RABGEF1: variants seen among roughly 807,000 people sequenced by gnomAD.
RABGEF1 encodes the protein rab5 GDP/GTP exchange factor.
Under a neutral mutation model 57.3 loss-of-function variants are expected in RABGEF1, and 26 were observed. The observed-to-expected ratio is 0.45, with a 90% CI of 0.33 to 0.63. The LOEUF is 0.63. Ranked by LOEUF, RABGEF1 falls within the 20% of genes least tolerant of loss-of-function variation. The pLI, the probability that RABGEF1 is intolerant of heterozygous loss-of-function variation, is 0.02. For missense variants in RABGEF1, 464 were observed against 607.6 expected, an observed-to-expected ratio of 0.76 and a Z score of 2.48; for synonymous variants, 185 against 210.7, an observed-to-expected ratio of 0.88 and a Z score of 1.06.
At chr7:66,689,304 T>C (rs1364311870) in intron 1 of RABGEF1, among the ~76,000 whole-genome samples, 1 of 151,528 alleles carries the variant, frequency 6.6e-6, no homozygotes, top group Non-Finnish European at 1.5e-5. Context: ...AGTTTTTAGC[T>C]AGATTTACTA....
chr7:66,666,709 T>C, the RABGEF1 span, among the ~76,000 whole-genome samples: 1 of 152,206 alleles, frequency 6.6e-6, no homozygotes, highest in African/African-American at 2.4e-5. Flanking sequence ...GCTCTTTATC[T>C]ATGTCTCAGC....
At chr7:66,684,216 C>T (rs1422519937) in intron 1 of RABGEF1, among the ~76,000 whole-genome samples, 5 of 152,034 alleles carry the variant, frequency 3.3e-5, no homozygotes, top group Non-Finnish European at 7.4e-5. Context: ...GAGGCCGAGG[C>T]GGTTGGATCA....
At chr7:66,717,058 C>T (rs945470827) in intron 2 of RABGEF1, among the ~76,000 whole-genome samples, 8 of 152,322 alleles carry the variant, frequency 5.3e-5, no homozygotes, top group East Asian at 3.9e-4. Context: ...GGATTACAGG[C>T]GTGAGCCACT....
At chr7:66,721,611 C>A (rs189907988) in intron 2 of RABGEF1, among the ~76,000 whole-genome samples, 6 of 152,092 alleles carry the variant, frequency 3.9e-5, no homozygotes, top group Non-Finnish European at 5.9e-5. Context: ...CTGCCTCCCC[C>A]CTTATGAGAA....
intron 1 of RABGEF1, among the ~76,000 whole-genome samples, chr7:66,753,630 G>T (rs1801953336): frequency 6.7e-6 from 1 of 148,526 alleles, no homozygotes; most frequent in East Asian, 2.0e-4. Context: ...GCTCTCCCTG[G>T]TATTTCTTCC....
At chr7:66,696,595 C>T (rs1489223609) in intron 1 of RABGEF1, among the ~76,000 whole-genome samples, 1 of 147,352 alleles carries the variant, frequency 6.8e-6, no homozygotes, top group Non-Finnish European at 1.5e-5. Flanking sequence ...GAGGCTGAGG[C>T]AGGAGGATCA....
chr7:66,792,788 G>C (rs1813030987), intron 4 of RABGEF1, among the ~76,000 whole-genome samples: 1 of 152,182 alleles, frequency 6.6e-6, no homozygotes, highest in Non-Finnish European at 1.5e-5. Context: ...CCCATACTGA[G>C]CACTAACCCT....
the RABGEF1 span, among the ~76,000 whole-genome samples, chr7:66,657,211 G>C: frequency 6.6e-6 from 1 of 152,104 alleles, no homozygotes; most frequent in African/African-American, 2.4e-5. Context: ...AAGAGCGTGT[G>C]GGATATTGTC....
chr7:66,696,164 C>T (rs1188935278), intron 1 of RABGEF1, among the ~76,000 whole-genome samples: 2 of 152,062 alleles, frequency 1.3e-5, no homozygotes, highest in African/African-American at 2.4e-5. Flanking sequence ...CTCCTGGGCT[C>T]AAGCTATCCT....
intron 1 of RABGEF1, among the ~76,000 whole-genome samples, chr7:66,691,262 T>C (rs1197561377): frequency 6.6e-6 from 1 of 152,206 alleles, no homozygotes; most frequent in African/African-American, 2.4e-5. Flanking sequence ...TAATTCTATA[T>C]ATTCCTAGGC....
At chr7:66,768,511 A>G (rs1207533041) in intron 1 of RABGEF1, among the ~76,000 whole-genome samples, 1 of 152,122 alleles carries the variant, frequency 6.6e-6, no homozygotes, top group Non-Finnish European at 1.5e-5. Context: ...TTGTTTTCTA[A>G]ACAGTTATTC....
At chr7:66,691,046 G>A (rs1791449206) in intron 1 of RABGEF1, among the ~76,000 whole-genome samples, 1 of 152,180 alleles carries the variant, frequency 6.6e-6, no homozygotes, top group Non-Finnish European at 1.5e-5. Flanking sequence ...AGCCGTGATC[G>A]TGCCACTGCA....
intron 4 of RABGEF1, among the ~76,000 whole-genome samples, chr7:66,785,015 A>G (rs112663973): frequency 8.9e-4 from 136 of 152,298 alleles, no homozygotes; most frequent in Non-Finnish European, 1.8e-3. Flanking sequence ...TAGCTATATT[A>G]AGTTAGTGTA....
intron 2 of RABGEF1, among the ~76,000 whole-genome samples, chr7:66,732,714 A>ACTCTCTCTCGCTCT (rs1554310817): frequency 6.7e-6 from 1 of 148,350 alleles, no homozygotes; most frequent in East Asian, 2.0e-4. Flanking sequence ...TCTCTCGCTC[A>ACTCTCTCTCGCTCT]CTCTCTCTCG....
At chr7:66,762,588 C>T (rs776310233) in intron 1 of RABGEF1, among the ~76,000 whole-genome samples, 24 of 149,726 alleles carry the variant, frequency 1.6e-4, no homozygotes, top group Admixed American at 4.7e-4. Context: ...GACCCTGTCT[C>T]AAGAAAAGAA....
intron 1 of RABGEF1, among the ~76,000 whole-genome samples, chr7:66,686,230 G>A (rs1483904968): frequency 1.3e-5 from 2 of 151,030 alleles, no homozygotes; most frequent in African/African-American, 2.4e-5. Context: ...GCAATGAGCC[G>A]AGATTGTGCC....
At position 66,777,729 on chromosome 7, in the gene RABGEF1, G is replaced by A. The variant is rs184842796; in HGVS notation, c.346+2336G>A. Among the ~76,000 whole-genome samples the A allele has an allele frequency of 2.2e-3, 328 of 152,166 alleles. 1 individual carries two copies. Among genetic ancestry groups the A allele is most frequent in the African/African-American group, 7.5e-3 (311 of 41,524 alleles). ...GATTACATGAGCCCAGGAGTTAGTGGCTGCAGTGAGCTCTGATTGTGCCAC... is the reference window on the plus strand; with the variant it reads ...GATTACATGAGCCCAGGAGTTAGTGACTGCAGTGAGCTCTGATTGTGCCAC... On this transcript the variant is annotated intron_variant, in intron 3 of 8. Coordinates refer to ENST00000284957, the MANE Select transcript of RABGEF1 (RefSeq NM_014504.3).
intron 1 of RABGEF1, among the ~76,000 whole-genome samples, chr7:66,707,203 A>G (rs1184502258): frequency 2.0e-5 from 3 of 152,232 alleles, no homozygotes; most frequent in African/African-American, 7.2e-5. Flanking sequence ...ATTTTGAATT[A>G]CTTCAGATTT....
Position 66,809,447 on chromosome 7 carries a change from T to G in RABGEF1, c.*163T>G, listed in dbSNP as rs1245431410. 1.5e-6 allele frequency: 1 copy of G among 670,108 alleles called. No homozygotes were observed. Among genetic ancestry groups the G allele is most frequent in the African/African-American group, 1.8e-5 (1 of 54,576 alleles). 41.5% of individuals were successfully genotyped at this position (670,108 alleles called of 1,614,324 possible). A position where few individuals can be genotyped will look rare whatever the true frequency, so the allele number is the denominator to read the frequency against. On this transcript the variant is annotated 3_prime_UTR_variant, in exon 9 of 9. Transcript: ENST00000284957. ...TTTCGTTTTTCCTAGCAGGGGAACC[T>G]TAGTTAATAATAAAATACTACTTAT... is the stretch of plus-strand genomic sequence containing the variant.
Sources: allele counts gnomAD v4.1 joint callset (sites outside exome capture counted in the v4.1 genomes callset), GRCh38; gene constraint gnomAD v4.1.1; transcripts MANE v1.5; gene names NCBI Gene and HGNC (gene_info 2026-07-23, HGNC 2026-07-21).